The following SLC30A8 variants were observed in gnomAD, a reference collection of about 807,000 sequenced individuals.
SLC30A8 encodes the protein solute carrier family 30 member 8.
A neutral mutation model predicts 36.9 loss-of-function variants in SLC30A8; 27 were observed. The observed-to-expected ratio is 0.73, with a 90% CI of 0.54 to 1.01. The LOEUF (loss-of-function observed/expected upper bound fraction) is 1.01, where lower values mean the gene tolerates loss of function less well. Ranked by LOEUF, SLC30A8 falls within the 50% of genes least tolerant of loss-of-function variation. The pLI, the probability that SLC30A8 is intolerant of heterozygous loss-of-function variation, is 0.00. For missense variants in SLC30A8, 439 were observed against 452.0 expected (o/e 0.97, Z 0.26); for synonymous variants, 164 against 172.4 (o/e 0.95, Z 0.38).
chr8:117,050,421 T>C (rs1308046010), intron 2 of SLC30A8, among the ~76,000 whole-genome samples: 1 of 151,872 alleles, frequency 6.6e-6, no homozygotes, highest in Non-Finnish European at 1.5e-5. Flanking sequence ...TTTTTTTTTT[T>C]TTGAGACACA....
At position 116,983,826 on chromosome 8, in the gene SLC30A8, A is replaced by T. The variant is rs1815354152; in HGVS notation, c.-266+32707A>T. 2.0e-5 allele frequency among the ~76,000 whole-genome samples: 3 copies of T among 152,112 alleles called. No individual in the cohort carries two copies. In the South Asian group the frequency reaches 6.2e-4, roughly 32 times the overall value. On this transcript the variant is annotated intron_variant, in intron 1 of 10. Transcript: ENST00000427715. ...CAGGAAATTGACATTGGTACAACTC[A>T]CAGATCTTACTCCAATTTTACATGC...
intron 3 of SLC30A8, among the ~76,000 whole-genome samples, chr8:117,153,420 A>G (rs1179308084): frequency 2.0e-5 from 3 of 152,172 alleles, no homozygotes; most frequent in Non-Finnish European, 4.4e-5. Flanking sequence ...AGAGGATAGG[A>G]GTAAAGCTTC....
At chr8:117,146,740 A>G (rs1299405667) in intron 1 of SLC30A8, 1 of 1,203,426 alleles carries the variant, frequency 8.3e-7, no homozygotes, top group East Asian at 2.8e-5. Context: ...AGTTTGACTG[A>G]ATAAAAGTAA....
At chr8:117,156,715 G>A (rs1025536504) in intron 3 of SLC30A8, among the ~76,000 whole-genome samples, 6 of 152,190 alleles carry the variant, frequency 3.9e-5, no homozygotes, top group South Asian at 2.1e-4. Context: ...GAAGCTAAGT[G>A]TAAAAAGTGA....
chr8:117,059,365 G>T (rs896026549), intron 2 of SLC30A8, among the ~76,000 whole-genome samples: 2 of 152,196 alleles, frequency 1.3e-5, no homozygotes, highest in South Asian at 2.1e-4. Context: ...AAAAGCTTAA[G>T]AAAACATCTG....
intron 1 of SLC30A8, among the ~76,000 whole-genome samples, chr8:116,991,418 C>T (rs1815638245): frequency 6.6e-6 from 1 of 152,076 alleles, no homozygotes; most frequent in Admixed American, 6.6e-5. Context: ...AATTCTCCTG[C>T]CTCAGCCTCC....
intron 2 of SLC30A8, among the ~76,000 whole-genome samples, chr8:117,114,759 T>C (rs2130886211): frequency 6.6e-6 from 1 of 152,204 alleles, no homozygotes; most frequent in Non-Finnish European, 1.5e-5. Context: ...AAATATTCCA[T>C]AGCAGTGTGA....
intron 1 of SLC30A8, among the ~76,000 whole-genome samples, chr8:117,015,402 C>A (rs570443739): frequency 6.6e-6 from 1 of 152,214 alleles, no homozygotes; most frequent in Admixed American, 6.5e-5. Flanking sequence ...CATTTTTCTC[C>A]ATGGTCCATT....
At chr8:117,124,412 T>C (rs1820813114) in intron 2 of SLC30A8, among the ~76,000 whole-genome samples, 1 of 151,960 alleles carries the variant, frequency 6.6e-6, no homozygotes, top group South Asian at 2.1e-4. Context: ...GAGGCTCTGC[T>C]GATTCATTGT....
chr8:117,082,344 G>C (rs1818699798), intron 2 of SLC30A8, among the ~76,000 whole-genome samples: 1 of 151,954 alleles, frequency 6.6e-6, no homozygotes, highest in Admixed American at 6.6e-5. Flanking sequence ...CAGCAAGAAA[G>C]AACCAAATGA....
intron 2 of SLC30A8, among the ~76,000 whole-genome samples, chr8:117,090,163 C>T (rs1212464396): frequency 6.6e-6 from 1 of 151,996 alleles, no homozygotes; most frequent in East Asian, 1.9e-4. Context: ...GGGGTTTCAC[C>T]ATATTGGCCA....
At chr8:117,043,188 C>T (rs1320922525) in intron 2 of SLC30A8, among the ~76,000 whole-genome samples, 2 of 152,186 alleles carry the variant, frequency 1.3e-5, no homozygotes, top group Non-Finnish European at 2.9e-5. Context: ...GTAGAGTTTT[C>T]ACTCCCAGTT....
At chr8:117,171,214 C>T in intron 7 of SLC30A8, 46 bp downstream of exon 7, 4 of 1,597,690 alleles carry the variant, frequency 2.5e-6, no homozygotes, top group Non-Finnish European at 3.4e-6. Flanking sequence ...AGTCCTTGTC[C>T]TGTAAAGTCA....
chr8:117,066,325 C>A (rs1818168463), intron 2 of SLC30A8, among the ~76,000 whole-genome samples: 1 of 152,186 alleles, frequency 6.6e-6, no homozygotes, highest in South Asian at 2.1e-4. Context: ...TGTACATCTG[C>A]TGTCCTTTCT....
At chr8:117,042,955 C>A (rs1056770722) in intron 2 of SLC30A8, among the ~76,000 whole-genome samples, 2 of 152,178 alleles carry the variant, frequency 1.3e-5, no homozygotes, top group African/African-American at 2.4e-5. Flanking sequence ...GGATTACAGG[C>A]GTGAGCCACC....
chr8:116,967,188 A>G (rs1814626725), intron 1 of SLC30A8, among the ~76,000 whole-genome samples: 1 of 152,246 alleles, frequency 6.6e-6, no homozygotes, highest in Admixed American at 6.5e-5. Context: ...TATATTTTCA[A>G]GATTTCTCTG....
chr8:117,135,931 A>C (rs1821339452), intron 1 of SLC30A8, among the ~76,000 whole-genome samples: 1 of 151,966 alleles, frequency 6.6e-6, no homozygotes, highest in African/African-American at 2.4e-5. Context: ...CATGCAATAC[A>C]TTCATTCATT....
At chr8:117,047,538 C>A (rs1278157967) in intron 2 of SLC30A8, among the ~76,000 whole-genome samples, 1 of 152,006 alleles carries the variant, frequency 6.6e-6, no homozygotes, top group Non-Finnish European at 1.5e-5. Context: ...ACATCAACTC[C>A]CAAGTCCAAC....
intron 6 of SLC30A8, among the ~76,000 whole-genome samples, chr8:117,168,960 G>C (rs897501063): frequency 3.3e-5 from 5 of 152,042 alleles, no homozygotes; most frequent in Non-Finnish European, 7.4e-5. Context: ...AGCTTCTAAA[G>C]TTTTTAGGAC....
Sources: allele counts gnomAD v4.1 joint callset (sites outside exome capture counted in the v4.1 genomes callset), GRCh38; gene constraint gnomAD v4.1.1; transcripts MANE v1.5; gene names NCBI Gene and HGNC (gene_info 2026-07-23, HGNC 2026-07-21).